Variants in LRATD1 observed in about 807,000 individuals in gnomAD.
The protein encoded by LRATD1 is LRAT domain containing 1.
A neutral mutation model predicts 21.3 loss-of-function variants in LRATD1; 8 were observed. That is an observed-to-expected ratio of 0.38 (90% CI 0.22 to 0.68). The LOEUF (loss-of-function observed/expected upper bound fraction) is 0.68. LRATD1 is among the 30% of genes least tolerant of loss of function. The pLI is 0.54. For missense variants in LRATD1, 380 were observed against 404.0 expected, an observed-to-expected ratio of 0.94 and a Z score of 0.51; for synonymous variants, 210 against 186.2, an observed-to-expected ratio of 1.13 and a Z score of -1.04.
Position 14,634,183 on chromosome 2 carries a change from C to G in LRATD1, c.204C>G (p.Pro68=). The change falls in exon 2 of 2, where the codon CCC becomes CCG. Residue 68 remains proline (P), a synonymous_variant. Transcript: ENST00000295092. ...PPGCTPCPES[P]SRHHHHLLHQ... is the part of the protein sequence containing the mutation. ...GTTGCACCCCCTGCCCGGAGAGCCC[C>G]AGCCGCCACCACCACCACCTGCTGC... 1 of 1,613,262 alleles carries G rather than the reference C, an allele frequency of 6.2e-7. No homozygotes were observed.
chr2:14,651,405 G>C (rs369479018), downstream of LRATD1, among the ~76,000 whole-genome samples: 1 of 152,206 alleles, frequency 6.6e-6, no homozygotes, highest in African/African-American at 2.4e-5. Context: ...CACCTCCTGG[G>C]TAAGAGAGAA....
In LRATD1 at chr2:14,639,568, A is replaced by G. The variant is rs1166048071; in HGVS notation, c.*4710A>G. 6.0e-6 allele frequency: 1 copy of G among 167,040 alleles called. No individual in the cohort carries two copies. Among genetic ancestry groups the G allele is most frequent in the African/African-American group, 2.4e-5 (1 of 41,434 alleles). The allele number at this position is 167,040 out of a possible 1,614,324, so 10.3% of individuals were successfully genotyped here. A position where few individuals can be genotyped will look rare whatever the true frequency, so the allele number is the denominator to read the frequency against. On this transcript the variant is annotated 3_prime_UTR_variant, in exon 2 of 2. Coordinates refer to ENST00000295092, the MANE Select transcript of LRATD1 (RefSeq NM_145175.4). ...ACCTTTGAGGTTGTATGTTTACCTC[A>G]TTTGAACTCGAAATAGAAGAGGTTT...
At chr2:14,645,126 C>T (rs1671872090) in intron 2 of LRATD1, among the ~76,000 whole-genome samples, 1 of 152,090 alleles carries the variant, frequency 6.6e-6, no homozygotes, top group African/African-American at 2.4e-5. Context: ...TGAAGAAAAA[C>T]AAATCTGAGC....
Position 14,637,904 on chromosome 2 carries a change from T to C in LRATD1, c.*3046T>C, listed in dbSNP as rs1671722948. 1 of 167,070 alleles carries C rather than the reference T, an allele frequency of 6.0e-6. No homozygotes were observed. The highest frequency in any genetic ancestry group is 1.9e-4 in the East Asian group (1 of 5,194). The allele number at this position is 167,070 out of a possible 1,614,324, so 10.3% of individuals were successfully genotyped here. On this transcript the variant is annotated 3_prime_UTR_variant, in exon 2 of 2. Coordinates refer to ENST00000295092, the MANE Select transcript of LRATD1 (RefSeq NM_145175.4). ...AATGTTAGGGATTTCGTTTTGGTTT[T>C]AGTTGTCCTCAAGAGACAACAGGTT...
At chr2:14,640,482 T>C (rs888927936), downstream of LRATD1, among the ~76,000 whole-genome samples, 1 of 152,216 alleles carries the variant, frequency 6.6e-6, no homozygotes, top group African/African-American at 2.4e-5. Flanking sequence ...AAATGAATGC[T>C]TCAAAAGTTA....
downstream of LRATD1, among the ~76,000 whole-genome samples, chr2:14,644,166 G>A (rs2103412818): frequency 1.3e-5 from 2 of 152,016 alleles, no homozygotes; most frequent in African/African-American, 4.8e-5. Context: ...ACAGGACAAA[G>A]GAGACAGGCC....
chr2:14,642,125 C>T (rs1012336855), downstream of LRATD1: 2 of 152,470 alleles, frequency 1.3e-5, no homozygotes, highest in South Asian at 2.1e-4. Context: ...AGGTAAACCA[C>T]GGTAGGAATG....
rs760569233 is a variant in LRATD1 at position 14,635,685 on chromosome 2, G to A, written c.*827G>A. 2.2e-5 allele frequency: 10 copies of A among 459,088 alleles called. No homozygotes were observed. The highest frequency in any genetic ancestry group is 4.1e-5 in the Non-Finnish European group (9 of 220,462). The allele number at this position is 459,088 out of a possible 1,614,324, so 28.4% of individuals were successfully genotyped here. ...CCCGCCCCCGACAAGGAGCTCGCTCGTTCACCTGGTGTCTGGGAACTTGAA... is the reference window on the plus strand; with the variant it reads ...CCCGCCCCCGACAAGGAGCTCGCTCATTCACCTGGTGTCTGGGAACTTGAA... On this transcript the variant is annotated 3_prime_UTR_variant, in exon 2 of 2. Transcript: ENST00000295092.
At chr2:14,641,173 G>A (rs973994944), downstream of LRATD1, among the ~76,000 whole-genome samples, 33 of 152,014 alleles carry the variant, frequency 2.2e-4, no homozygotes, top group African/African-American at 8.0e-4. Flanking sequence ...TGGAGCTGGC[G>A]AACTAAGGAC....
chr2:14,638,275 A>C lies in LRATD1; in HGVS notation c.*3417A>C, dbSNP rs1472059992. 1 of 166,356 alleles carries C rather than the reference A, an allele frequency of 6.0e-6. No individual in the cohort carries two copies. Among genetic ancestry groups the C allele is most frequent in the Non-Finnish European group, 1.5e-5 (1 of 67,956 alleles). 10.3% of individuals were successfully genotyped at this position (166,356 alleles called of 1,614,324 possible). A position where few individuals can be genotyped will look rare whatever the true frequency, so the allele number is the denominator to read the frequency against. On this transcript the variant is annotated 3_prime_UTR_variant, in exon 2 of 2. Coordinates refer to ENST00000295092, the MANE Select transcript of LRATD1 (RefSeq NM_145175.4). ...ATGTTACATTTTTAAGTATGAGTTA[A>C]ATTGATATAAAGTGTTCCTCAATAT... is the stretch of plus-strand genomic sequence containing the variant.
chr2:14,634,638 G>T lies in LRATD1; in HGVS notation c.659G>T (p.Arg220Leu). Residue 220 changes from arginine (R) to leucine (L), a missense_variant, in exon 2 of 2, where the codon CGC (arginine) becomes CTC (leucine). By Grantham distance (102) the Arg-to-Leu change is moderately radical. Transcript: ENST00000295092. ...TCGGAGAGCTTCGCCGCCTGGTGCC[G>T]CTTTGGCAAGCGGGAGTTCAAGGCG... Reference protein sequence around the residue: ...TNSESFAAWCRFGKREFKAGG... With the variant: ...TNSESFAAWCLFGKREFKAGG... The T allele has an allele frequency of 6.5e-7, 1 of 1,545,756 alleles. No homozygotes were observed. The highest frequency in any genetic ancestry group is 8.7e-7 in the Non-Finnish European group (1 of 1,143,426).
At position 14,634,537 on chromosome 2, in the gene LRATD1, G is replaced by T; in HGVS notation, c.558G>T (p.Pro186=). Residue 186 remains proline, a synonymous_variant, in exon 2 of 2, where the codon CCG becomes CCT. Coordinates refer to ENST00000295092, the MANE Select transcript of LRATD1 (RefSeq NM_145175.4). The part of the protein sequence containing the change: ...RVVNSWYRYR[P]LVAELVVQNA... ...TGAATAGCTGGTACCGCTACCGCCCGCTGGTGGCCGAGCTGGTGGTGCAGA... is the reference window on the plus strand; with the variant it reads ...TGAATAGCTGGTACCGCTACCGCCCTCTGGTGGCCGAGCTGGTGGTGCAGA... 6.7e-7 allele frequency: 1 copy of T among 1,495,320 alleles called. No individual in the cohort carries two copies. The highest frequency in any genetic ancestry group is 2.4e-5 in the East Asian group (1 of 42,442). 92.6% of individuals were successfully genotyped at this position (1,495,320 alleles called of 1,614,324 possible). A position where few individuals can be genotyped will look rare whatever the true frequency, so the allele number is the denominator to read the frequency against.
downstream of LRATD1, among the ~76,000 whole-genome samples, chr2:14,641,180 G>A (rs1368718757): frequency 1.3e-5 from 2 of 152,020 alleles, no homozygotes; most frequent in Non-Finnish European, 2.9e-5. Context: ...GGCGAACTAA[G>A]GACACACCCC....
At chr2:14,648,094 G>A (rs984670709) in intron 4 of LRATD1, among the ~76,000 whole-genome samples, 3 of 152,088 alleles carry the variant, frequency 2.0e-5, no homozygotes, top group Admixed American at 6.6e-5. Context: ...GGTCTTACAC[G>A]CATGATTCTT....
At position 14,637,537 on chromosome 2, in the gene LRATD1, T is replaced by C. The variant is rs1324211402; in HGVS notation, c.*2679T>C. 6.0e-6 allele frequency: 1 copy of C among 166,922 alleles called. No individual in the cohort carries two copies. Among genetic ancestry groups the C allele is most frequent in the Non-Finnish European group, 1.5e-5 (1 of 68,090 alleles). 10.3% of individuals were successfully genotyped at this position (166,922 alleles called of 1,614,324 possible). On this transcript the variant is annotated 3_prime_UTR_variant, in exon 2 of 2. Coordinates refer to ENST00000295092, the MANE Select transcript of LRATD1 (RefSeq NM_145175.4). Reference sequence around the variant, plus strand: ...CTAAAAATATGCAATAATAAAACAATAGTTATGAAAGAAACTTGAAAGGTT... The same window carrying C: ...CTAAAAATATGCAATAATAAAACAACAGTTATGAAAGAAACTTGAAAGGTT...
In LRATD1 at chr2:14,634,314, C is replaced by A. The variant is rs761312529; in HGVS notation, c.335C>A (p.Ala112Glu). The change falls in exon 2 of 2, where the codon GCG (alanine) becomes GAG (glutamate). Residue 112 changes from alanine (A) to glutamate (E), a missense_variant. Ala to Glu is a moderately radical substitution (Grantham distance 107, BLOSUM62 -1). Coordinates refer to ENST00000295092, the MANE Select transcript of LRATD1 (RefSeq NM_145175.4). ...GPQGADLSVY[A>E]VTALPALCEP... ...CAGGGCGCCGACCTAAGCGTCTACG[C>A]GGTCACCGCGCTGCCAGCGCTCTGC... 1.3e-6 allele frequency: 2 copies of A among 1,596,764 alleles called. No homozygotes were observed. Among genetic ancestry groups the A allele is most frequent in the South Asian group, 2.2e-5 (2 of 90,060 alleles).
chr2:14,642,724 G>A (rs1210544685), downstream of LRATD1, among the ~76,000 whole-genome samples: 1 of 152,120 alleles, frequency 6.6e-6, no homozygotes. Context: ...AGCCTCCTTT[G>A]ATTGACGGTT....
chr2:14,647,859 T>C (rs1192458989), intron 4 of LRATD1, among the ~76,000 whole-genome samples: 2 of 152,148 alleles, frequency 1.3e-5, no homozygotes, highest in African/African-American at 4.8e-5. Flanking sequence ...TTTTATTCAA[T>C]GACTGCATCT....
At position 14,634,791 on chromosome 2, in the gene LRATD1, G is replaced by T. The variant is rs1296781204; in HGVS notation, c.812G>T (p.Arg271Leu). The T allele has an allele frequency of 6.2e-7, 1 of 1,604,082 alleles. No individual in the cohort carries two copies. ...SLEDLIREKR[R>L]IDASGRLRVL... is the part of the protein sequence containing the mutation. ...GAAGACCTCATCCGCGAGAAGCGCC[G>T]TATCGACGCCAGCGGCCGCCTGCGA... Residue 271 changes from arginine to leucine, a missense_variant, in exon 2 of 2, where the codon CGT becomes CTT. Physicochemically the swap from Arg to Leu is moderately radical, Grantham distance 102. Coordinates refer to ENST00000295092, the MANE Select transcript of LRATD1 (RefSeq NM_145175.4).
Sources: gnomAD v4.1 joint callset for allele counts (sites outside exome capture counted in the v4.1 genomes callset) on GRCh38, gnomAD v4.1.1 for gene constraint, MANE v1.5 for transcripts, NCBI Gene and HGNC (gene_info 2026-07-23, HGNC 2026-07-21) for gene names.